Variants in CYLD observed in about 807,000 individuals in gnomAD.
CYLD encodes CYLD lysine 63 deubiquitinase, also known as ubiquitin carboxyl-terminal hydrolase CYLD.
A neutral mutation model predicts 104.5 loss-of-function variants in CYLD; 26 were observed. The observed-to-expected ratio is 0.25, with a 90% CI of 0.18 to 0.35. CYLD has a LOEUF of 0.35. Among genes scored for constraint, CYLD ranks in the 10% least tolerant of loss-of-function variants. CYLD has a pLI of 1.00. For synonymous variants in CYLD, 385 were observed against 399.9 expected, an observed-to-expected ratio of 0.96 and a Z score of 0.45; for missense variants, 703 against 1,136.1, an observed-to-expected ratio of 0.62 and a Z score of 5.48.
chr16:50,777,841 T>C lies in CYLD; in HGVS notation c.1038T>C (p.Pro346=), dbSNP rs1969841333. 7 of 1,595,784 alleles carry C rather than the reference T, an allele frequency of 4.4e-6. No homozygotes were observed. The highest frequency in any genetic ancestry group is 6.0e-6 in the Non-Finnish European group (7 of 1,164,136). The change falls in exon 8 of 19, where the codon CCT becomes CCC. Residue 346 remains proline (P), a synonymous_variant. Coordinates refer to ENST00000427738, the MANE Select transcript of CYLD (RefSeq NM_001378743.1). ...TTCCTATAGGATCTACCTCAGACCC[T>C]GGAAATAGAAACAGATCTGAATTAT... is the stretch of plus-strand genomic sequence containing the variant. ...KPKATGSTSD[P]GNRNRSELFY...
At chr16:50,786,714 C>T (rs541994649) in intron 12 of CYLD, 141 bp from the exon 13 acceptor site, 151 of 632,426 alleles carry the variant, frequency 2.4e-4, no homozygotes, top group African/African-American at 1.7e-3. Flanking sequence ...GAGCTGAGAT[C>T]GGGCCACTGC....
chr16:50,789,420 G>A (rs1348586702), intron 14 of CYLD, among the ~76,000 whole-genome samples: 1 of 151,906 alleles, frequency 6.6e-6, no homozygotes, highest in Non-Finnish European at 1.5e-5. Context: ...TGTAATACAC[G>A]CCCAGTAATA....
rs1415868531 is a variant in CYLD, at chr16:50,798,629, AAGG to A, written c.*2124_*2126del. 3.0e-5 allele frequency: 7 copies of A among 232,726 alleles called. No homozygotes were observed. The highest frequency in any genetic ancestry group is 1.1e-4 in the Admixed American group (2 of 17,758). 14.4% of individuals were successfully genotyped at this position (232,726 alleles called of 1,614,324 possible). On this transcript the variant is annotated 3_prime_UTR_variant, in exon 19 of 19. Transcript: ENST00000427738. ...TTAACAGTTGGAAAAAAAAAAAAAA[AAGG>A]AGAGAGAAGACAGTTCCTTTCCTGT...
At position 50,779,793 on chromosome 16, in the gene CYLD, C is replaced by T. The variant is rs771315536; in HGVS notation, c.1267C>T (p.Leu423Phe). Reference sequence around the variant, plus strand: ...CAGATTCCACTCTTTACCATTCAGTCTCACCAAGATGCCCAATACCAATGG... The same window carrying T: ...CAGATTCCACTCTTTACCATTCAGTTTCACCAAGATGCCCAATACCAATGG... Reference protein sequence around the residue: ...ENRFHSLPFSLTKMPNTNGSI... With the variant: ...ENRFHSLPFSFTKMPNTNGSI... Residue 423 changes from leucine to phenylalanine, a missense_variant, in exon 9 of 19, where the codon CTC (leucine) becomes TTC (phenylalanine). This residue lies in a region of CYLD where 183 missense variants were observed against 212.1 expected (regional missense o/e 0.86). Transcript: ENST00000427738. The T allele has an allele frequency of 7.4e-6, 12 of 1,613,842 alleles. No individual in the cohort carries two copies. The highest frequency in any genetic ancestry group is 7.6e-6 in the Non-Finnish European group (9 of 1,179,992).
In CYLD at chr16:50,792,611, G is replaced by T; in HGVS notation, c.2256G>T (p.Leu752=). 1 of 1,604,814 alleles carries T rather than the reference G, an allele frequency of 6.2e-7. No homozygotes were observed. The stretch of plus-strand genomic sequence containing the variant: ...CTTTTTTATAGGCACCATCATGTCT[G>T]ATTATTCAGATGCCTCGATTTGGAA... ...NLKFAEAPSC[L]IIQMPRFGKD... The change falls in exon 16 of 19, where the codon CTG becomes CTT. Residue 752 remains leucine, a synonymous_variant. Transcript: ENST00000427738.
At chr16:50,769,387 C>G (rs1268039737) in intron 5 of CYLD, among the ~76,000 whole-genome samples, 1 of 152,130 alleles carries the variant, frequency 6.6e-6, no homozygotes, top group African/African-American at 2.4e-5. Context: ...TTAGTAACAT[C>G]TAATTGTGGT....
intron 5 of CYLD, among the ~76,000 whole-genome samples, chr16:50,755,100 TATATACACAC>T (rs1966976534): frequency 8.3e-6 from 1 of 119,840 alleles, no homozygotes; most frequent in Non-Finnish European, 1.6e-5. Context: ...TATACATACA[TATATACACAC>T]ATATACACAT....
intron 4 of CYLD, among the ~76,000 whole-genome samples, chr16:50,752,628 A>G (rs986732483): frequency 2.0e-5 from 3 of 152,194 alleles, no homozygotes; most frequent in Non-Finnish European, 2.9e-5. Context: ...GAACTTTTTC[A>G]TCATCCCAAA....
chr16:50,742,448 G>T (rs1965775315), intron 1 of CYLD: 1 of 237,280 alleles, frequency 4.2e-6, no homozygotes. Flanking sequence ...TTCCCGGGAG[G>T]GCTGCGAGTC....
At chr16:50,755,086 CAT>C (rs373232846) in intron 5 of CYLD, among the ~76,000 whole-genome samples, 19 of 63,146 alleles carry the variant, frequency 3.0e-4, no homozygotes, top group African/African-American at 1.4e-3. Flanking sequence ...CATATACACA[CAT>C]ATATACATAC....
At chr16:50,791,105 G>A (rs370649925) in intron 14 of CYLD, among the ~76,000 whole-genome samples, 12 of 152,234 alleles carry the variant, frequency 7.9e-5, no homozygotes, top group South Asian at 4.1e-4. Flanking sequence ...AGATCTCAGC[G>A]CCTTCATTTT....
rs1303388722 is a variant in CYLD, at chr16:50,797,124, T to C, written c.*616T>C. On this transcript the variant is annotated 3_prime_UTR_variant, in exon 19 of 19. Coordinates refer to ENST00000427738, the MANE Select transcript of CYLD (RefSeq NM_001378743.1). ...TAATGGTGTTGTTTTCTATTTGTTCTGGTTTTGAGATAAATGAGTGATTCT... is the reference window on the plus strand; with the variant it reads ...TAATGGTGTTGTTTTCTATTTGTTCCGGTTTTGAGATAAATGAGTGATTCT... 3 of 233,832 alleles carry C rather than the reference T, an allele frequency of 1.3e-5. No homozygotes were observed. The highest frequency in any genetic ancestry group is 2.5e-5 in the Non-Finnish European group (3 of 118,528). The allele number at this position is 233,832 out of a possible 1,614,324, so 14.5% of individuals were successfully genotyped here.
chr16:50,797,758 T>C lies in CYLD; in HGVS notation c.*1250T>C. ...AAAGTCATCATATGTATATGTCATATGACTTTATAAAATATTTAATGTGAC... is the reference window on the plus strand; with the variant it reads ...AAAGTCATCATATGTATATGTCATACGACTTTATAAAATATTTAATGTGAC... On this transcript the variant is annotated 3_prime_UTR_variant, in exon 19 of 19. Transcript: ENST00000427738. 1 of 232,832 alleles carries C rather than the reference T, an allele frequency of 4.3e-6. No individual in the cohort carries two copies. The highest frequency in any genetic ancestry group is 8.5e-6 in the Non-Finnish European group (1 of 117,734). The allele number at this position is 232,832 out of a possible 1,614,324, so 14.4% of individuals were successfully genotyped here.
chr16:50,775,185 T>C lies in CYLD; in HGVS notation c.922+11T>C. On this transcript the variant is annotated intron_variant, in intron 6 of 18. Coordinates refer to ENST00000427738, the MANE Select transcript of CYLD (RefSeq NM_001378743.1). ...ACACAGCTTTATCAGGTATGACTCC[T>C]AAGTGTCGTGTTGGACTCCACGGAT... 6.3e-7 allele frequency: 1 copy of C among 1,595,746 alleles called. No individual in the cohort carries two copies. The highest frequency in any genetic ancestry group is 8.5e-7 in the Non-Finnish European group (1 of 1,177,002).
chr16:50,799,659 T>G lies in CYLD; in HGVS notation c.*3151T>G, dbSNP rs759858517. ...TTTTGAGAACAAGGGGGAGAGATAG[T>G]ATGGAAGATTAAGATTCCATTAATC... is the stretch of plus-strand genomic sequence containing the variant. On this transcript the variant is annotated 3_prime_UTR_variant, in exon 19 of 19. Transcript: ENST00000427738. The G allele has an allele frequency of 8.1e-5, 19 of 233,496 alleles. No individual in the cohort carries two copies. The highest frequency in any genetic ancestry group is 1.4e-4 in the Non-Finnish European group (17 of 118,002). The allele number at this position is 233,496 out of a possible 1,614,324, so 14.5% of individuals were successfully genotyped here.
chr16:50,747,523 A>G lies in CYLD; in HGVS notation c.-123-2053A>G, dbSNP rs141791098. Among the ~76,000 whole-genome samples, 1,129 of 152,382 alleles carry G rather than the reference A, an allele frequency of 7.4e-3. 5 individuals are homozygous for G. Among genetic ancestry groups the G allele is most frequent in the Admixed American group, 0.015 (232 of 15,306 alleles). On this transcript the variant is annotated intron_variant, in intron 2 of 18. Coordinates refer to ENST00000427738, the MANE Select transcript of CYLD (RefSeq NM_001378743.1). ...TGATACATCAATGATCAAGAAAAAA[A>G]TAAGGACATTTTCTTGTGGAAAGTG...
At chr16:50,784,986 G>A (rs1970660395) in intron 12 of CYLD, 1 of 154,044 alleles carries the variant, frequency 6.5e-6, no homozygotes. Context: ...CCTTAAAAAG[G>A]TGATTCTTTT....
At chr16:50,781,904 T>G (rs1330997510) in intron 10 of CYLD, among the ~76,000 whole-genome samples, 1 of 152,174 alleles carries the variant, frequency 6.6e-6, no homozygotes, top group African/African-American at 2.4e-5. Flanking sequence ...TACATAATAG[T>G]GGAAAAGCAT....
chr16:50,757,306 A>G (rs999502783), intron 5 of CYLD, among the ~76,000 whole-genome samples: 1 of 152,212 alleles, frequency 6.6e-6, no homozygotes, highest in Non-Finnish European at 1.5e-5. Flanking sequence ...GCAACAGCAC[A>G]TTAATTTAGT....
Sources: gnomAD v4.1 joint callset for allele counts (sites outside exome capture counted in the v4.1 genomes callset) on GRCh38, gnomAD v4.1.1 for gene constraint, gnomAD v4.1.1 regional missense constraint, MANE v1.5 for transcripts, NCBI Gene and HGNC (gene_info 2026-07-23, HGNC 2026-07-21) for gene names.